The following NACC2 variants were observed in gnomAD, a reference collection of about 807,000 sequenced individuals.
NACC2 encodes nucleus accumbens-associated protein 2.
Under a neutral mutation model 25.1 loss-of-function variants are expected in NACC2, and 8 were observed. That is an observed-to-expected ratio of 0.32 (90% CI 0.19 to 0.57). The LOEUF is 0.57. Ranked by LOEUF, NACC2 falls within the 20% of genes least tolerant of loss-of-function variation. NACC2 has a pLI of 0.89. For synonymous variants in NACC2, 435 were observed against 294.7 expected, an observed-to-expected ratio of 1.48 and a Z score of -4.88; for missense variants, 644 against 650.2, an observed-to-expected ratio of 0.99 and a Z score of 0.10.
At chr9:136,059,746 T>A (rs1355700153) in intron 1 of NACC2, among the ~76,000 whole-genome samples, 1 of 152,174 alleles carries the variant, frequency 6.6e-6, no homozygotes, top group African/African-American at 2.4e-5. Flanking sequence ...GGCTGCTGGC[T>A]ACATGGGGAC....
chr9:136,056,496 T>G (rs923183040), intron 1 of NACC2, among the ~76,000 whole-genome samples: 4 of 152,006 alleles, frequency 2.6e-5, no homozygotes, highest in Non-Finnish European at 4.4e-5. Flanking sequence ...TCTCTGGTCA[T>G]CAAGTCACAA....
At chr9:136,029,038 A>G (rs1007855879) in intron 2 of NACC2, among the ~76,000 whole-genome samples, 2 of 152,178 alleles carry the variant, frequency 1.3e-5, no homozygotes, top group Non-Finnish European at 2.9e-5. Flanking sequence ...GGAGGCAGAC[A>G]GGCTCCTGGA....
intron 1 of NACC2, among the ~76,000 whole-genome samples, chr9:136,082,520 C>A (rs891041912): frequency 6.6e-6 from 1 of 152,216 alleles, no homozygotes; most frequent in African/African-American, 2.4e-5. Flanking sequence ...CTCATCTCAA[C>A]GGGGTCACCA....
chr9:136,016,480 G>T, intron 2 of NACC2, 51 bp from the exon 3 acceptor site: 1 of 1,603,048 alleles, frequency 6.2e-7, no homozygotes, highest in Non-Finnish European at 8.5e-7. Flanking sequence ...GGGCCGGGCT[G>T]CTCTGTGCCT....
Position 136,011,559 on chromosome 9 carries a change from G to A in NACC2, c.1721C>T (p.Ala574Val). The change falls in exon 6 of 6, where the codon GCC (alanine) becomes GTC (valine). Residue 574 changes from alanine to valine, a missense_variant. Coordinates refer to ENST00000277554, the MANE Select transcript of NACC2 (RefSeq NM_144653.5). ...GGTGCCCTCCGGCCTCCGGGCCGCG[G>A]CCGCCGGCGTCTGGGGCCTGCTGGG... is the stretch of plus-strand genomic sequence containing the variant. ...GGPSRPQTPA[A>V]AARRPEGTYA... is the part of the protein sequence containing the mutation. 2 of 1,407,488 alleles carry A rather than the reference G, an allele frequency of 1.4e-6. No homozygotes were observed. Among genetic ancestry groups the A allele is most frequent in the Non-Finnish European group, 1.8e-6 (2 of 1,086,740 alleles). The allele number at this position is 1,407,488 out of a possible 1,614,324, so 87.2% of individuals were successfully genotyped here.
At chr9:136,054,782 A>G (rs1019328263) in intron 1 of NACC2, among the ~76,000 whole-genome samples, 3 of 151,990 alleles carry the variant, frequency 2.0e-5, no homozygotes, top group Non-Finnish European at 4.4e-5. Context: ...TCACTTATGG[A>G]AAGTTCTGCA....
intron 1 of NACC2, among the ~76,000 whole-genome samples, chr9:136,052,032 G>A (rs1366434791): frequency 1.3e-5 from 2 of 152,216 alleles, no homozygotes; most frequent in Non-Finnish European, 2.9e-5. Flanking sequence ...TGAAGGGGCC[G>A]GATGCAGACG....
rs957222223 is a variant in NACC2, at chr9:136,008,471, T to C, written c.*3045A>G. ...ATAGATTCTATATAGGATATGCGTA[T>C]TGCTAATAGTCAGGCTTAGGGATAA... On this transcript the variant is annotated 3_prime_UTR_variant, in exon 6 of 6. Transcript: ENST00000277554. The C allele has an allele frequency of 6.6e-6, 1 of 152,296 alleles. No individual in the cohort carries two copies. The highest frequency in any genetic ancestry group is 1.5e-5 in the Non-Finnish European group (1 of 68,086). 9.4% of individuals were successfully genotyped at this position (152,296 alleles called of 1,614,324 possible).
At chr9:136,026,968 C>T (rs963736964) in intron 2 of NACC2, among the ~76,000 whole-genome samples, 1 of 152,206 alleles carries the variant, frequency 6.6e-6, no homozygotes. Context: ...GTAGCTCATG[C>T]CTGTAATCCC....
intron 1 of NACC2, among the ~76,000 whole-genome samples, chr9:136,056,460 C>A (rs940596181): frequency 1.3e-5 from 2 of 152,206 alleles, no homozygotes; most frequent in African/African-American, 4.8e-5. Context: ...GGGGCCAGGC[C>A]CCTAGCCATC....
At chr9:136,015,220 C>T (rs1840182260) in intron 3 of NACC2, among the ~76,000 whole-genome samples, 1 of 152,230 alleles carries the variant, frequency 6.6e-6, no homozygotes, top group African/African-American at 2.4e-5. Flanking sequence ...AGAGCATCTT[C>T]CTGGGACCAC....
intron 2 of NACC2, among the ~76,000 whole-genome samples, chr9:136,021,795 C>T (rs1466885478): frequency 6.6e-6 from 1 of 152,230 alleles, no homozygotes; most frequent in Non-Finnish European, 1.5e-5. Flanking sequence ...ATGATTGGCA[C>T]ACAACCTGGA....
At chr9:136,092,686 C>T (rs1349297669) in intron 1 of NACC2, among the ~76,000 whole-genome samples, 1 of 152,182 alleles carries the variant, frequency 6.6e-6, no homozygotes, top group Admixed American at 6.5e-5. Context: ...GTGGACTGGG[C>T]CGGAGGAGCA....
intron 5 of NACC2, among the ~76,000 whole-genome samples, chr9:136,012,983 C>T: frequency 6.6e-6 from 1 of 152,266 alleles, no homozygotes; most frequent in Non-Finnish European, 1.5e-5. Context: ...GAATTCATCA[C>T]ACTTGGAAAC....
chr9:136,039,007 G>A (rs956315481), intron 2 of NACC2, among the ~76,000 whole-genome samples: 4 of 152,190 alleles, frequency 2.6e-5, no homozygotes, highest in Non-Finnish European at 4.4e-5. Flanking sequence ...AATGTAAATG[G>A]TCTAAAGATT....
At position 136,006,675 on chromosome 9, in the gene NACC2, C is replaced by T. The variant is rs1452142676; in HGVS notation, c.*4841G>A. On this transcript the variant is annotated 3_prime_UTR_variant, in exon 6 of 6. Coordinates refer to ENST00000277554, the MANE Select transcript of NACC2 (RefSeq NM_144653.5). Reference sequence around the variant, plus strand: ...AGCACGCTTGAAGCCCTCGGTTTCCCTGTTCGCTTTTGAATGTTTCAGTTT... The same window carrying T: ...AGCACGCTTGAAGCCCTCGGTTTCCTTGTTCGCTTTTGAATGTTTCAGTTT... 1 of 152,224 alleles carries T rather than the reference C, an allele frequency of 6.6e-6. No individual in the cohort carries two copies. The highest frequency in any genetic ancestry group is 1.5e-5 in the Non-Finnish European group (1 of 68,044). The allele number at this position is 152,224 out of a possible 1,614,324, so 9.4% of individuals were successfully genotyped here. A position where few individuals can be genotyped will look rare whatever the true frequency, so the allele number is the denominator to read the frequency against.
chr9:136,055,953 G>A lies in NACC2; in HGVS notation c.-59-5373C>T, dbSNP rs11103291. On this transcript the variant is annotated intron_variant, in intron 1 of 5. Transcript: ENST00000277554. The surrounding 1 kb of genome is among the most constrained non-coding windows in gnomAD (Gnocchi z 4.9). ...GTGCTCTGGAGTCAGCAGGAGCACA[G>A]GGGGTGTTAGGAATACAGTCTGGGG... Among the ~76,000 whole-genome samples the A allele has an allele frequency of 0.23, 34,366 of 152,216 alleles. 4,060 individuals are homozygous for A. The highest frequency in any genetic ancestry group is 0.39 in the East Asian group (2,010 of 5,172).
At chr9:136,025,865 A>C (rs1397929753) in intron 2 of NACC2, among the ~76,000 whole-genome samples, 1 of 152,188 alleles carries the variant, frequency 6.6e-6, no homozygotes, top group Non-Finnish European at 1.5e-5. Flanking sequence ...CAGTGAGCTG[A>C]GATTGTGCCA....
chr9:136,029,439 C>T (rs180943730), intron 2 of NACC2, among the ~76,000 whole-genome samples: 1 of 152,330 alleles, frequency 6.6e-6, no homozygotes, highest in Non-Finnish European at 1.5e-5. Context: ...CCTCATTTTC[C>T]TGGATGCGGA....
Sources: allele counts gnomAD v4.1 joint callset (sites outside exome capture counted in the v4.1 genomes callset), GRCh38; gene constraint gnomAD v4.1.1; non-coding constraint Gnocchi (gnomAD v3.1); transcripts MANE v1.5; gene names NCBI Gene and HGNC (gene_info 2026-07-23, HGNC 2026-07-21).